Variants in KALRN observed in about 807,000 individuals in gnomAD.
KALRN encodes the protein kalirin RhoGEF kinase, also known as kalirin.
Under a neutral mutation model 353.7 loss-of-function variants are expected in KALRN, and 70 were observed. That is an observed-to-expected ratio of 0.20 (90% confidence interval 0.16 to 0.24). The LOEUF (loss-of-function observed/expected upper bound fraction) is 0.24. Among genes scored for constraint, KALRN ranks in the 10% least tolerant of loss-of-function variants. KALRN has a pLI of 1.00. For missense variants in KALRN, 2,791 were observed against 3,756.7 expected (o/e 0.74, Z 6.72); for synonymous variants, 1,391 against 1,434.8 (o/e 0.97, Z 0.69).
chr3:124,599,012 A>G (rs16835638), intron 34 of KALRN, among the ~76,000 whole-genome samples: 23,477 of 152,004 alleles, frequency 0.15, 1,941 homozygotes, highest in Middle Eastern at 0.19. Flanking sequence ...GAAAAGAACA[A>G]GATGCTCTGA....
At chr3:124,044,338 G>C (rs1261552932) in intron 1 of KALRN, among the ~76,000 whole-genome samples, 2 of 152,164 alleles carry the variant, frequency 1.3e-5, no homozygotes, top group South Asian at 2.1e-4. Flanking sequence ...AAGAAGGTGG[G>C]AGTTTCCTAA....
intron 2 of KALRN, among the ~76,000 whole-genome samples, chr3:124,230,674 C>T (rs1027137503): frequency 2.2e-4 from 33 of 152,110 alleles, no homozygotes; most frequent in African/African-American, 7.7e-4. Context: ...CAGCGTAAGC[C>T]GAACAGCCTG....
intron 1 of KALRN, among the ~76,000 whole-genome samples, chr3:124,047,640 C>T (rs1309110078): frequency 2.0e-5 from 3 of 151,124 alleles, no homozygotes; most frequent in African/African-American, 7.3e-5. Flanking sequence ...CTACAGGCGC[C>T]CGCCACCACG....
chr3:124,604,326 G>A (rs1346833837), intron 34 of KALRN, among the ~76,000 whole-genome samples: 1 of 152,114 alleles, frequency 6.6e-6, no homozygotes, highest in African/African-American at 2.4e-5. Context: ...CTTGGATAGT[G>A]TATTCTCCAG....
rs2063378029 is a variant in KALRN, at chr3:124,723,000, A to G, written c.*3530A>G. The G allele has an allele frequency of 6.6e-6, 1 of 152,236 alleles. No homozygotes were observed. Among genetic ancestry groups the G allele is most frequent in the Non-Finnish European group, 1.5e-5 (1 of 68,040 alleles). The allele number at this position is 152,236 out of a possible 1,614,324, so 9.4% of individuals were successfully genotyped here. On this transcript the variant is annotated 3_prime_UTR_variant, in exon 60 of 60. Coordinates refer to ENST00000682506, the MANE Select transcript of KALRN (RefSeq NM_001388419.1). ...ACATCTTTTACATTTGTTTCAAATT[A>G]AATAGATATATATCCACTTACAGCT... is the stretch of plus-strand genomic sequence containing the variant.
chr3:124,209,426 T>C (rs1206785503), intron 1 of KALRN, among the ~76,000 whole-genome samples: 4 of 148,402 alleles, frequency 2.7e-5, no homozygotes, highest in Admixed American at 2.1e-4. Flanking sequence ...GGCATGAGAA[T>C]TGCTTGAAGC....
intron 5 of KALRN, among the ~76,000 whole-genome samples, chr3:124,286,256 GCTCT>G (rs756770896): frequency 4.1e-5 from 5 of 122,978 alleles, no homozygotes; most frequent in Non-Finnish European, 6.7e-5. Context: ...TTTCTCTCTT[GCTCT>G]CTCTCTCTTT....
rs1471146510 is a variant in KALRN, at chr3:124,550,578, C to T, written c.4936-12265C>T. On this transcript the variant is annotated intron_variant, in intron 33 of 59. Transcript: ENST00000682506. The stretch of plus-strand genomic sequence containing the variant: ...GGGACCAGTCTTCTGATCAAGGAAC[C>T]CAAGCACGTGTTTCCTTTAGAAAAG... Among the ~76,000 whole-genome samples the T allele has an allele frequency of 3.3e-5, 5 of 152,248 alleles. No homozygotes were observed. The South Asian group carries it at 8.3e-4, about 25-fold the overall frequency.
rs368121469 is a variant in KALRN, at chr3:124,348,798, A to G, written c.1770+1533A>G. Among the ~76,000 whole-genome samples, 136 of 152,124 alleles carry G rather than the reference A, an allele frequency of 8.9e-4. 3 individuals are homozygous for G. The highest frequency in any genetic ancestry group is 3.3e-3 in the African/African-American group (135 of 41,492). On this transcript the variant is annotated intron_variant, in intron 10 of 59. Coordinates refer to ENST00000682506, the MANE Select transcript of KALRN (RefSeq NM_001388419.1). ...AGTGATGTGATCGTGACTCACTGCA[A>G]CCTCTGCCTCCTGGGTTCAGGTGAT... is the stretch of plus-strand genomic sequence containing the variant.
At chr3:124,420,866 T>C (rs1273283483) in intron 14 of KALRN, among the ~76,000 whole-genome samples, 2 of 152,214 alleles carry the variant, frequency 1.3e-5, no homozygotes, top group Non-Finnish European at 2.9e-5. Flanking sequence ...GTGGCAGTGA[T>C]GGATTTCTGA....
chr3:124,344,530 T>C (rs2082083164), intron 9 of KALRN, among the ~76,000 whole-genome samples: 1 of 152,234 alleles, frequency 6.6e-6, no homozygotes, highest in Non-Finnish European at 1.5e-5. Context: ...TTAACAATAC[T>C]TCATATATTA....
intron 3 of KALRN, among the ~76,000 whole-genome samples, chr3:124,243,675 G>C (rs2080778462): frequency 1.3e-5 from 2 of 151,236 alleles, no homozygotes; most frequent in South Asian, 4.2e-4. Flanking sequence ...AATTATGTAG[G>C]GTATTCCAGT....
chr3:124,622,333 T>C (rs1389953893), intron 34 of KALRN, among the ~76,000 whole-genome samples: 1 of 152,244 alleles, frequency 6.6e-6, no homozygotes, highest in Non-Finnish European at 1.5e-5. Flanking sequence ...TATAGACCTA[T>C]TGACCATCTA....
At chr3:124,162,633 C>G (rs1042865571) in intron 1 of KALRN, 5 of 152,148 alleles carry the variant, frequency 3.3e-5, no homozygotes, top group Non-Finnish European at 5.9e-5. Flanking sequence ...GGCCATTATC[C>G]GATTTATATA....
chr3:124,288,732 G>A (rs1367443958), intron 5 of KALRN, among the ~76,000 whole-genome samples: 3 of 152,148 alleles, frequency 2.0e-5, no homozygotes, highest in Admixed American at 2.0e-4. Flanking sequence ...GGCCAAATAG[G>A]CAAGTATTTG....
At chr3:124,101,266 G>C (rs2061840698) in intron 1 of KALRN, among the ~76,000 whole-genome samples, 1 of 152,188 alleles carries the variant, frequency 6.6e-6, no homozygotes, top group African/African-American at 2.4e-5. Flanking sequence ...TGAGGGGTTT[G>C]GAGGTAGGGA....
intron 3 of KALRN, among the ~76,000 whole-genome samples, chr3:124,255,019 CA>C (rs1191467744): frequency 6.6e-6 from 1 of 152,092 alleles, no homozygotes; most frequent in East Asian, 1.9e-4. Context: ...GATCTCAGCT[CA>C]CTGCAACCTC....
intron 34 of KALRN, among the ~76,000 whole-genome samples, chr3:124,583,100 A>G (rs935062959): frequency 5.3e-5 from 8 of 152,186 alleles, no homozygotes; most frequent in Non-Finnish European, 1.0e-4. Context: ...TAGATAAATA[A>G]AGCACAAATC....
At chr3:124,333,390 T>C (rs907060641) in intron 8 of KALRN, among the ~76,000 whole-genome samples, 6 of 152,212 alleles carry the variant, frequency 3.9e-5, no homozygotes, top group Admixed American at 3.9e-4. Context: ...TTATGAAATA[T>C]GTACATAAAT....
Sources: gnomAD v4.1 joint callset for allele counts (sites outside exome capture counted in the v4.1 genomes callset) on GRCh38, gnomAD v4.1.1 for gene constraint, MANE v1.5 for transcripts, NCBI Gene and HGNC (gene_info 2026-07-23, HGNC 2026-07-21) for gene names.